The following HK1 variants were observed in gnomAD, a reference collection of about 807,000 sequenced individuals.
HK1 encodes the protein hexokinase 1, also known as hexokinase-1.
Under a neutral mutation model 91.6 loss-of-function variants are expected in HK1, and 28 were observed. The ratio of observed to expected loss-of-function variants is 0.31; its 90% CI spans 0.23 to 0.42. HK1 has a LOEUF of 0.42. Among genes scored for constraint, HK1 ranks in the 10% least tolerant of loss-of-function variants. HK1 has a pLI of 1.00. For missense variants in HK1, 770 were observed against 1,219.8 expected, an observed-to-expected ratio of 0.63 and a Z score of 5.49; for synonymous variants, 430 against 468.1, an observed-to-expected ratio of 0.92 and a Z score of 1.05.
At chr10:69,382,157 G>A (rs557526133) in intron 9 of HK1, among the ~76,000 whole-genome samples, 11 of 152,358 alleles carry the variant, frequency 7.2e-5, no homozygotes, top group Admixed American at 3.9e-4. Flanking sequence ...GGGAAGCTGA[G>A]GCGGGTGGAT....
intron 16 of HK1, among the ~76,000 whole-genome samples, chr10:69,397,369 T>A (rs1042400694): frequency 3.9e-5 from 6 of 152,088 alleles, no homozygotes; most frequent in African/African-American, 1.4e-4. Flanking sequence ...GTATGGAAAG[T>A]CTTTTCAAGC....
At chr10:69,381,646 C>G (rs1015905294) in intron 9 of HK1, among the ~76,000 whole-genome samples, 4 of 151,672 alleles carry the variant, frequency 2.6e-5, no homozygotes, top group Non-Finnish European at 5.9e-5. Context: ...CTCTGCCTCC[C>G]AGGTTCCAGC....
At chr10:69,324,265 A>G (rs1847202175) in intron 1 of HK1, among the ~76,000 whole-genome samples, 1 of 152,186 alleles carries the variant, frequency 6.6e-6, no homozygotes, top group Non-Finnish European at 1.5e-5. Context: ...ACTATAAACA[A>G]GGCAGAAACG....
At chr10:69,399,666 A>G (rs1433253934) in intron 17 of HK1, among the ~76,000 whole-genome samples, 1 of 152,152 alleles carries the variant, frequency 6.6e-6, no homozygotes, top group African/African-American at 2.4e-5. Context: ...CTGACCCCCC[A>G]TGCCAGAGAA....
chr10:69,295,271 G>T (rs1195255466), intron 3 of HK1, among the ~76,000 whole-genome samples: 1 of 152,146 alleles, frequency 6.6e-6, no homozygotes, highest in Non-Finnish European at 1.5e-5. Flanking sequence ...CGCAGCTCCG[G>T]TGCTGCTGCG....
At chr10:69,346,282 G>A (rs1047947069) in intron 2 of HK1, among the ~76,000 whole-genome samples, 6 of 152,218 alleles carry the variant, frequency 3.9e-5, no homozygotes, top group African/African-American at 1.4e-4. Context: ...ACCACGGAGG[G>A]ATAAATTGGC....
At chr10:69,378,069 G>A (rs1057566) in intron 8 of HK1, among the ~76,000 whole-genome samples, 3,605 of 152,264 alleles carry the variant, frequency 0.024, 157 homozygotes, top group African/African-American at 0.082. Flanking sequence ...AAATCCATGT[G>A]CTGGAGTTTG....
chr10:69,363,686 T>C (rs1849553114), intron 3 of HK1, among the ~76,000 whole-genome samples: 1 of 152,176 alleles, frequency 6.6e-6, no homozygotes, highest in African/African-American at 2.4e-5. Flanking sequence ...GCCCTGGTTA[T>C]ATTTTAGAGA....
At chr10:69,318,829 G>T (rs934583803), upstream of HK1, 63 of 1,446,010 alleles carry the variant, frequency 4.4e-5, no homozygotes, top group Admixed American at 2.0e-4. Flanking sequence ...CGAGGGGGAG[G>T]AGCCGGGGGA....
At chr10:69,400,358 C>T (rs1472582124) in intron 17 of HK1, among the ~76,000 whole-genome samples, 1 of 152,214 alleles carries the variant, frequency 6.6e-6, no homozygotes, top group Non-Finnish European at 1.5e-5. Flanking sequence ...CATTTTGAGC[C>T]CAACTTACAA....
rs554258929 is a variant in HK1 at position 69,378,675 on chromosome 10, C to T, written c.1032-1187C>T. ...CCTCAGGTGACCCTCCCACTTTGGC[C>T]TCCCAAAGTGCTGGGATTACAGGTG... On this transcript the variant is annotated intron_variant, in intron 8 of 17. Coordinates refer to ENST00000359426, the MANE Select transcript of HK1 (RefSeq NM_000188.3). 6.2e-4 allele frequency among the ~76,000 whole-genome samples: 94 copies of T among 152,262 alleles called. 1 individual carries two copies. Among genetic ancestry groups the T allele is most frequent in the African/African-American group, 2.2e-3 (93 of 41,564 alleles).
At chr10:69,304,588 G>T (rs111816077) in intron 5 of HK1, among the ~76,000 whole-genome samples, 1 of 152,156 alleles carries the variant, frequency 6.6e-6, no homozygotes, top group African/African-American at 2.4e-5. Context: ...GATTACAGGC[G>T]TGAGCCACTG....
At chr10:69,391,379 C>T (rs181754833) in intron 14 of HK1, among the ~76,000 whole-genome samples, 6 of 152,374 alleles carry the variant, frequency 3.9e-5, no homozygotes, top group Non-Finnish European at 8.8e-5. Context: ...GTGGTGCCCA[C>T]GCCTGTAATC....
intron 1 of HK1, among the ~76,000 whole-genome samples, chr10:69,342,888 C>T (rs1013343867): frequency 3.9e-5 from 6 of 152,110 alleles, no homozygotes; most frequent in Non-Finnish European, 5.9e-5. Flanking sequence ...AGAATAAATG[C>T]GAAGATGCCA....
chr10:69,385,024 C>T, intron 12 of HK1, 109 bp downstream of exon 12: 2 of 1,138,380 alleles, frequency 1.8e-6, no homozygotes, highest in Non-Finnish European at 1.3e-6. Context: ...TCCTAGATGA[C>T]AGTCACAGTC....
At chr10:69,295,896 G>C (rs932647289) in intron 4 of HK1, among the ~76,000 whole-genome samples, 3 of 152,120 alleles carry the variant, frequency 2.0e-5, no homozygotes, top group Admixed American at 2.0e-4. Context: ...TAGTAACAGA[G>C]GCCCCCTTCT....
Position 69,326,339 on chromosome 10 carries a change from T to G in HK1, c.63+7329T>G, listed in dbSNP as rs145569600. Among the ~76,000 whole-genome samples, 135 of 152,250 alleles carry G rather than the reference T, an allele frequency of 8.9e-4. 1 individual carries two copies. The highest frequency in any genetic ancestry group is 3.1e-3 in the African/African-American group (130 of 41,536). On this transcript the variant is annotated intron_variant, in intron 1 of 17. Coordinates refer to ENST00000359426, the MANE Select transcript of HK1 (RefSeq NM_000188.3). Reference sequence around the variant, plus strand: ...AGCGAGGTTGTCAGTACAGGAAGTATTATTCCCGGGCTTCCCAGCACGGCT... The same window carrying G: ...AGCGAGGTTGTCAGTACAGGAAGTAGTATTCCCGGGCTTCCCAGCACGGCT...
upstream of HK1, among the ~76,000 whole-genome samples, chr10:69,317,680 C>G (rs1846721819): frequency 6.6e-6 from 1 of 151,986 alleles, no homozygotes; most frequent in Non-Finnish European, 1.5e-5. Flanking sequence ...TTCAAAGACT[C>G]ACAGATCCAA....
At chr10:69,340,158 G>A (rs1246635704) in intron 1 of HK1, among the ~76,000 whole-genome samples, 2 of 152,178 alleles carry the variant, frequency 1.3e-5, no homozygotes. Flanking sequence ...TGGACAGCTT[G>A]GTAAAAGGAT....
Sources: gnomAD v4.1 joint callset for allele counts (sites outside exome capture counted in the v4.1 genomes callset) on GRCh38, gnomAD v4.1.1 for gene constraint, MANE v1.5 for transcripts, NCBI Gene and HGNC (gene_info 2026-07-23, HGNC 2026-07-21) for gene names.